PGM5: variants seen among roughly 807,000 people sequenced by gnomAD.
PGM5 encodes the protein phosphoglucomutase 5.
In PGM5, 23 loss-of-function variants were observed where a neutral mutation model predicts 59.2. That is an observed-to-expected ratio of 0.39 (90% CI 0.28 to 0.55). The LOEUF is 0.55. Among genes scored for constraint, PGM5 ranks in the 20% least tolerant of loss-of-function variants. PGM5 has a pLI of 0.66. For synonymous variants in PGM5, 214 were observed against 286.0 expected (o/e 0.75, Z 2.54); for missense variants, 574 against 748.3 (o/e 0.77, Z 2.72).
chr9:68,518,202 A>G (rs1414945276), intron 10 of PGM5, among the ~76,000 whole-genome samples: 1 of 152,218 alleles, frequency 6.6e-6, no homozygotes, highest in African/African-American at 2.4e-5. Context: ...CTTGAAGAAG[A>G]CCATTCCAAA....
At chr9:68,371,326 A>G (rs1284245866) in intron 1 of PGM5, among the ~76,000 whole-genome samples, 2 of 152,250 alleles carry the variant, frequency 1.3e-5, no homozygotes, top group African/African-American at 4.8e-5. Context: ...TCAATGCTGT[A>G]AACATAACTA....
chr9:68,430,247 G>C (rs1554682917), intron 6 of PGM5, among the ~76,000 whole-genome samples: 1 of 152,220 alleles, frequency 6.6e-6, no homozygotes, highest in Non-Finnish European at 1.5e-5. Context: ...TTTCAGTCCA[G>C]CGTAGAGTGA....
chr9:68,429,884 T>C (rs1242439529), intron 6 of PGM5, among the ~76,000 whole-genome samples: 1 of 152,222 alleles, frequency 6.6e-6, no homozygotes, highest in Non-Finnish European at 1.5e-5. Flanking sequence ...ATGACAGCCA[T>C]GTATGGACTT....
intron 6 of PGM5, among the ~76,000 whole-genome samples, chr9:68,459,443 T>C (rs540659912): frequency 6.6e-6 from 1 of 152,344 alleles, no homozygotes; most frequent in South Asian, 2.1e-4. Flanking sequence ...GGTACATAAA[T>C]GAAATCATAG....
chr9:68,385,532 G>T (rs1360112857), intron 3 of PGM5, among the ~76,000 whole-genome samples: 1 of 152,058 alleles, frequency 6.6e-6, no homozygotes, highest in Non-Finnish European at 1.5e-5. Context: ...CTTAGGTAAT[G>T]AGCAGAAATT....
intron 2 of PGM5, among the ~76,000 whole-genome samples, chr9:68,381,849 T>C (rs1323236406): frequency 4.6e-5 from 7 of 151,836 alleles, no homozygotes; most frequent in African/African-American, 1.4e-4. Flanking sequence ...GGGGTGAAAG[T>C]ATACTGAAAA....
chr9:68,490,832 T>G (rs1554687821), intron 9 of PGM5, among the ~76,000 whole-genome samples: 1 of 152,224 alleles, frequency 6.6e-6, no homozygotes, highest in East Asian at 1.9e-4. Flanking sequence ...TAGAATTTAG[T>G]TAAATCTGAA....
intron 6 of PGM5, among the ~76,000 whole-genome samples, chr9:68,428,180 A>C (rs917689086): frequency 6.6e-6 from 1 of 152,190 alleles, no homozygotes. Context: ...AATTTGTTTT[A>C]ATTTGACCAG....
chr9:68,422,189 T>C (rs75499580), intron 6 of PGM5, among the ~76,000 whole-genome samples: 5,819 of 152,180 alleles, frequency 0.038, 137 homozygotes, highest in East Asian at 0.088. Context: ...AGGAACAATC[T>C]CAACAATAAA....
At chr9:68,431,960 A>T (rs1554683065) in intron 6 of PGM5, among the ~76,000 whole-genome samples, 1 of 152,106 alleles carries the variant, frequency 6.6e-6, no homozygotes, top group Non-Finnish European at 1.5e-5. Context: ...CTACTCCTGG[A>T]ATTTTTACAG....
chr9:68,422,670 C>T (rs1160136298), intron 6 of PGM5, among the ~76,000 whole-genome samples: 6 of 151,906 alleles, frequency 3.9e-5, no homozygotes, highest in African/African-American at 1.5e-4. Context: ...AATTAATTAG[C>T]ACAACAATAA....
chr9:68,431,921 A>G (rs1247342062), intron 6 of PGM5, among the ~76,000 whole-genome samples: 4 of 152,178 alleles, frequency 2.6e-5, no homozygotes, highest in Non-Finnish European at 4.4e-5. Context: ...ATCAAGATCA[A>G]TGCAGTGTCA....
Position 68,401,919 on chromosome 9 carries a change from GTGTGTGTGTGTA to G in PGM5, c.1043+9448_1043+9459del, listed in dbSNP as rs1822680339. ...TGTGTGTGTGTGTGTGTGTGTGTGT[GTGTGTGTGTGTA>G]TATATTTGTCAAGGCTCATGAAACT... On this transcript the variant is annotated intron_variant, in intron 6 of 10. Transcript: ENST00000396396. Among the ~76,000 whole-genome samples the G allele has an allele frequency of 5.9e-3, 792 of 133,488 alleles. 3 individuals carry two copies. Among genetic ancestry groups the G allele is most frequent in the African/African-American group, 0.012 (421 of 34,494 alleles). 87.6% of individuals were successfully genotyped at this position (133,488 alleles called of 152,430 possible).
chr9:68,398,248 A>G (rs1424237304), intron 6 of PGM5: 2 of 152,256 alleles, frequency 1.3e-5, no homozygotes, highest in Admixed American at 1.3e-4. Flanking sequence ...GAAAAAAAGA[A>G]GAAAGCCCTT....
At chr9:68,420,165 G>T (rs1823103455) in intron 6 of PGM5, among the ~76,000 whole-genome samples, 1 of 152,108 alleles carries the variant, frequency 6.6e-6, no homozygotes, top group African/African-American at 2.4e-5. Context: ...CTCCCTCTGG[G>T]GGCTCCGAAG....
At chr9:68,415,272 C>A (rs1327823883) in intron 6 of PGM5, among the ~76,000 whole-genome samples, 1 of 149,388 alleles carries the variant, frequency 6.7e-6, no homozygotes, top group Non-Finnish European at 1.5e-5. Flanking sequence ...GAGCTCTGGG[C>A]AGTGTGGGAT....
At chr9:68,518,668 A>C (rs1027035896) in intron 10 of PGM5, among the ~76,000 whole-genome samples, 4 of 152,260 alleles carry the variant, frequency 2.6e-5, no homozygotes, top group Admixed American at 2.6e-4. Context: ...AAAATATTTC[A>C]GAAGAAACTA....
intron 9 of PGM5, among the ~76,000 whole-genome samples, chr9:68,489,330 T>C (rs1257379933): frequency 1.3e-5 from 2 of 152,162 alleles, no homozygotes; most frequent in Non-Finnish European, 2.9e-5. Flanking sequence ...CCATGACCTA[T>C]ATTTTGAAAA....
intron 6 of PGM5, among the ~76,000 whole-genome samples, chr9:68,412,314 C>G (rs1395310858): frequency 6.6e-6 from 1 of 152,172 alleles, no homozygotes; most frequent in Non-Finnish European, 1.5e-5. Context: ...AAAATGCTGT[C>G]TCTAAACATA....
Sources: gnomAD v4.1 joint callset for allele counts (sites outside exome capture counted in the v4.1 genomes callset) on GRCh38, gnomAD v4.1.1 for gene constraint, MANE v1.5 for transcripts, NCBI Gene and HGNC (gene_info 2026-07-23, HGNC 2026-07-21) for gene names.